The following MCF2 variants were observed in gnomAD, a reference collection of about 807,000 sequenced individuals.
MCF2 encodes MCF.2 cell line derived transforming sequence.
MCF2 carries 44 observed loss-of-function variants against 82.5 expected under a neutral mutation model. The observed-to-expected ratio is 0.53, with a 90% CI of 0.42 to 0.69. The LOEUF is 0.69. Among genes scored for constraint, MCF2 ranks in the 30% least tolerant of loss-of-function variants. The pLI is 0.00. For synonymous variants in MCF2, 217 were observed against 224.9 expected (o/e 0.96, Z 0.32); for missense variants, 623 against 663.1 (o/e 0.94, Z 0.66).
intron 6 of MCF2, among the ~76,000 whole-genome samples, chrX:139,621,279 T>A (rs1248743251): frequency 9.0e-6 from 1 of 111,714 alleles, no homozygotes; most frequent in African/African-American, 3.2e-5. Context: ...AATCTGGACA[T>A]TGGCCTTGGG....
At position 139,681,218 on chromosome X, in the gene MCF2, A is replaced by C. The variant is rs150953935; in HGVS notation, c.-45+26888T>G. On this transcript the variant is annotated intron_variant, in intron 1 of 27. Transcript: ENST00000414978. ...GCAACAGCTATTGCTTCCACTTAAC[A>C]ATGGTACAAGAGTACAAATGAAGAC... Among the ~76,000 whole-genome samples the C allele has an allele frequency of 8.4e-3, 943 of 112,595 alleles. 7 individuals carry two copies. Among genetic ancestry groups the C allele is most frequent in the African/African-American group, 0.028 (865 of 31,017 alleles).
intron 1 of MCF2, among the ~76,000 whole-genome samples, chrX:139,696,341 T>TCTCTC (rs1213782978): frequency 1.5e-4 from 13 of 86,094 alleles, no homozygotes; most frequent in East Asian, 3.7e-4. Flanking sequence ...TTCTTTCTCT[T>TCTCTC]CTCTCCTCTC....
chrX:139,707,493 C>G (rs1401692620), intron 1 of MCF2, among the ~76,000 whole-genome samples: 1 of 111,508 alleles, frequency 9.0e-6, no homozygotes, highest in Admixed American at 9.6e-5. Context: ...CTTCTGGGGA[C>G]CAAGGTAGTT....
intron 5 of MCF2, 42 bp downstream of exon 8, chrX:139,626,581 A>T (rs1291482244): frequency 3.5e-6 from 4 of 1,143,393 alleles, no homozygotes; most frequent in Middle Eastern, 2.4e-4. Flanking sequence ...TCCTTTCAAA[A>T]ATATAAAATA....
Position 139,589,797 on chromosome X carries a change from C to A in MCF2, c.2370+38G>T, listed in dbSNP as rs773301018. On this transcript the variant is annotated intron_variant, in intron 20 of 24. Coordinates refer to ENST00000370576, the Ensembl canonical transcript of MCF2. ...AAATTCGGGCTTTTGTATTTCAATGCAGGTTTGGGTTTCTAGAAGAATTTT... is the reference window on the plus strand; with the variant it reads ...AAATTCGGGCTTTTGTATTTCAATGAAGGTTTGGGTTTCTAGAAGAATTTT... The A allele has an allele frequency of 2.3e-5, 22 of 966,490 alleles. No homozygotes were observed. In the Middle Eastern group the frequency reaches 8.0e-4, roughly 35 times the overall value. 79.6% of individuals were successfully genotyped at this position (966,490 alleles called of 1,213,427 possible). A position where few individuals can be genotyped will look rare whatever the true frequency, so the allele number is the denominator to read the frequency against.
intron 1 of MCF2, among the ~76,000 whole-genome samples, chrX:139,691,275 C>G (rs1158049114): frequency 9.0e-6 from 1 of 111,677 alleles, no homozygotes; most frequent in Non-Finnish European, 1.9e-5. Context: ...ACTCCTCCCC[C>G]ACCTGCCCTG....
At chrX:139,665,926 T>TAC (rs577470376) in intron 1 of MCF2, among the ~76,000 whole-genome samples, 181 of 73,241 alleles carry the variant, frequency 2.5e-3, no homozygotes, top group African/African-American at 0.012. Flanking sequence ...TATATATATA[T>TAC]ACACACACAC....
exon 25 of MCF2, chrX:139,582,196 A>G: frequency 2.5e-6 from 1 of 392,880 alleles, no homozygotes; most frequent in Non-Finnish European, 4.4e-6. Context: ...AGTAGAGAAG[A>G]AATAATTTTC....
intron 1 of MCF2, among the ~76,000 whole-genome samples, chrX:139,688,372 A>C (rs1248232528): frequency 1.8e-5 from 2 of 111,809 alleles, no homozygotes. Context: ...TAAGGGGAAA[A>C]AGTCAGGCAC....
chrX:139,707,815 C>T (rs185237305), intron 1 of MCF2, among the ~76,000 whole-genome samples: 1 of 111,640 alleles, frequency 9.0e-6, no homozygotes, highest in Non-Finnish European at 1.9e-5. Context: ...CCTGCCTTTA[C>T]TTGGGAATCC....
chrX:139,696,345 TCC>T (rs1406519145), intron 1 of MCF2, among the ~76,000 whole-genome samples: 6,306 of 94,251 alleles, frequency 0.067, 575 homozygotes, highest in African/African-American at 0.24. Context: ...TTCTCTTCTC[TCC>T]TCTCCTCTCC....
chrX:139,588,153 G>A (rs1929150277), intron 21 of MCF2, among the ~76,000 whole-genome samples: 1 of 111,323 alleles, frequency 9.0e-6, no homozygotes, highest in Non-Finnish European at 1.9e-5. Flanking sequence ...AAGCACAAGG[G>A]TTCATTTTCT....
intron 1 of MCF2, among the ~76,000 whole-genome samples, chrX:139,652,297 G>A (rs1246141165): frequency 2.7e-5 from 3 of 111,478 alleles, no homozygotes; most frequent in Admixed American, 9.6e-5. Flanking sequence ...CTAGATAGAC[G>A]TGGATTCAAA....
intron 17 of MCF2, among the ~76,000 whole-genome samples, chrX:139,597,881 T>A (rs2148417590): frequency 8.9e-6 from 1 of 111,802 alleles, no homozygotes; most frequent in African/African-American, 3.2e-5. Context: ...TGTAGGGTTC[T>A]TTTGTCCTCT....
chrX:139,619,552 G>T, intron 7 of MCF2, 35 bp downstream of exon 10: 1 of 1,068,871 alleles, frequency 9.4e-7, no homozygotes, highest in African/African-American at 1.9e-5. Context: ...CTATTATACT[G>T]TATAATATAG....
chrX:139,645,745 T>G, upstream of MCF2: 1 of 521,691 alleles, frequency 1.9e-6, no homozygotes, highest in East Asian at 3.7e-5. Context: ...GATTATTTCA[T>G]CTACATTTGA....
chrX:139,704,807 T>C lies in MCF2; in HGVS notation c.-45+3299A>G, dbSNP rs1603312120. On this transcript the variant is annotated intron_variant, in intron 1 of 27. Transcript: ENST00000414978. ...AGAATCAATATCATAAAAATGGCCA[T>C]ACTGCCCAAAGCAATCTACAGATTC... Among the ~76,000 whole-genome samples the C allele has an allele frequency of 2.7e-5, 3 of 110,303 alleles. No individual in the cohort carries two copies. The East Asian group carries it at 8.6e-4, about 32-fold the overall frequency.
chrX:139,616,871 T>G (rs969922044), intron 8 of MCF2, among the ~76,000 whole-genome samples: 3 of 111,886 alleles, frequency 2.7e-5, no homozygotes, highest in Non-Finnish European at 5.7e-5. Flanking sequence ...GTAATACAAA[T>G]GCTTAATGAT....
chrX:139,671,053 C>G (rs1005111591), intron 1 of MCF2, among the ~76,000 whole-genome samples: 5 of 112,183 alleles, frequency 4.5e-5, no homozygotes, highest in African/African-American at 6.5e-5. Context: ...TTGCATTTCT[C>G]TGATGGCCAG....
Sources: gnomAD v4.1 joint callset for allele counts (sites outside exome capture counted in the v4.1 genomes callset) on GRCh38, gnomAD v4.1.1 for gene constraint, MANE v1.5 for transcripts, NCBI Gene and HGNC (gene_info 2026-07-23, HGNC 2026-07-21) for gene names.